The following ATP10B variants were observed in gnomAD, a reference collection of about 807,000 sequenced individuals.
ATP10B encodes phospholipid-transporting ATPase VB.
ATP10B carries 122 observed loss-of-function variants against 141.2 expected under a neutral mutation model. The observed-to-expected ratio is 0.86, with a 90% CI of 0.75 to 1.00. The LOEUF (loss-of-function observed/expected upper bound fraction) is 1.00, where lower values mean the gene tolerates loss of function less well. Ranked by LOEUF, ATP10B falls within the 50% of genes least tolerant of loss-of-function variation. The pLI is 0.00. For synonymous variants in ATP10B, 685 were observed against 692.0 expected (o/e 0.99, Z 0.16); for missense variants, 1,876 against 1,825.3 (o/e 1.03, Z -0.51).
chr5:160,775,932 C>T (rs1271973910), intron 2 of ATP10B, among the ~76,000 whole-genome samples: 1 of 152,170 alleles, frequency 6.6e-6, no homozygotes. Flanking sequence ...ACACCTGCCT[C>T]TGCCTAAGCT....
chr5:160,870,131 C>T, the ATP10B span, among the ~76,000 whole-genome samples: 3 of 152,046 alleles, frequency 2.0e-5, no homozygotes, highest in African/African-American at 4.8e-5. Flanking sequence ...AAGAAAAATA[C>T]CTAATTCCAG....
intron 1 of ATP10B, among the ~76,000 whole-genome samples, chr5:160,848,215 T>C (rs1380251318): frequency 6.6e-6 from 1 of 152,176 alleles, no homozygotes; most frequent in Non-Finnish European, 1.5e-5. Flanking sequence ...AGAAATGCTA[T>C]TGAGAAGGCC....
At chr5:160,597,465 C>T (rs760328413) in intron 22 of ATP10B, among the ~76,000 whole-genome samples, 39 of 152,152 alleles carry the variant, frequency 2.6e-4, no homozygotes, top group Non-Finnish European at 4.7e-4. Context: ...TAGGCATTAC[C>T]ATTCAGGACA....
intron 1 of ATP10B, among the ~76,000 whole-genome samples, chr5:160,806,601 AATG>A (rs1477240754): frequency 2.0e-5 from 3 of 152,234 alleles, no homozygotes; most frequent in Non-Finnish European, 4.4e-5. Flanking sequence ...AGGGGGGGAT[AATG>A]ATGATAGGAA....
At chr5:160,785,352 C>T (rs141299669) in intron 2 of ATP10B, among the ~76,000 whole-genome samples, 3 of 152,214 alleles carry the variant, frequency 2.0e-5, no homozygotes, top group African/African-American at 7.2e-5. Context: ...AAACCATTTA[C>T]TTGGCATCTG....
At chr5:160,772,958 TAAGAC>T (rs1770016177) in intron 2 of ATP10B, among the ~76,000 whole-genome samples, 2 of 152,230 alleles carry the variant, frequency 1.3e-5, no homozygotes, top group South Asian at 2.1e-4. Flanking sequence ...GGACCACACT[TAAGAC>T]AACCAACCAC....
intron 1 of ATP10B, among the ~76,000 whole-genome samples, chr5:160,826,354 A>T (rs1169625914): frequency 6.6e-6 from 1 of 152,136 alleles, no homozygotes; most frequent in Non-Finnish European, 1.5e-5. Context: ...TGGCAGAGGA[A>T]CGTAAATCGT....
chr5:160,847,257 G>A (rs978188349), intron 1 of ATP10B, among the ~76,000 whole-genome samples: 15 of 152,132 alleles, frequency 9.9e-5, no homozygotes, highest in Non-Finnish European at 1.8e-4. Flanking sequence ...TCTAGCTTCT[G>A]GGATTCTATA....
the ATP10B span, among the ~76,000 whole-genome samples, chr5:160,894,902 A>T: frequency 6.6e-6 from 1 of 152,258 alleles, no homozygotes; most frequent in Non-Finnish European, 1.5e-5. Flanking sequence ...CCAATATTCA[A>T]CATTCTTAAG....
intron 7 of ATP10B, among the ~76,000 whole-genome samples, chr5:160,664,889 A>T (rs879912411): frequency 6.6e-6 from 1 of 152,238 alleles, no homozygotes; most frequent in Non-Finnish European, 1.5e-5. Flanking sequence ...AATGAATGCT[A>T]TATACTCCTT....
chr5:160,865,882 C>T, the ATP10B span, among the ~76,000 whole-genome samples: 2 of 152,102 alleles, frequency 1.3e-5, no homozygotes, highest in East Asian at 3.9e-4. Context: ...TACTCCTGCA[C>T]AAATGGCCAT....
At chr5:160,603,756 T>C in intron 20 of ATP10B, 1 of 530,310 alleles carries the variant, frequency 1.9e-6, no homozygotes, top group Non-Finnish European at 3.4e-6. Flanking sequence ...CAAGTTAGTT[T>C]GCTTCTTCCA....
At chr5:160,880,105 ATAAAAGAAATTATG>A in the ATP10B span, among the ~76,000 whole-genome samples, 7 of 149,282 alleles carry the variant, frequency 4.7e-5, no homozygotes, top group Non-Finnish European at 1.0e-4. Flanking sequence ...AGAAACTATT[ATAAAAGAAATTATG>A]TAAAAGAAAT....
chr5:160,858,377 C>T, the ATP10B span, among the ~76,000 whole-genome samples: 14 of 151,976 alleles, frequency 9.2e-5, no homozygotes, highest in Admixed American at 2.6e-4. Context: ...GTCAGTTTCT[C>T]GTAGAAAGCA....
chr5:160,736,310 C>T (rs751136383), intron 2 of ATP10B, among the ~76,000 whole-genome samples: 6 of 152,068 alleles, frequency 3.9e-5, no homozygotes, highest in Non-Finnish European at 7.4e-5. Context: ...TTCAAAGGAT[C>T]GTTAGTGGCT....
At chr5:160,851,622 G>T (rs922195710) in intron 1 of ATP10B, among the ~76,000 whole-genome samples, 1 of 152,126 alleles carries the variant, frequency 6.6e-6, no homozygotes, top group African/African-American at 2.4e-5. Flanking sequence ...GCTTCCTCAG[G>T]CTGCACTGGA....
chr5:160,647,261 G>A (rs1313143958), intron 8 of ATP10B, among the ~76,000 whole-genome samples: 2 of 152,240 alleles, frequency 1.3e-5, no homozygotes, highest in Non-Finnish European at 2.9e-5. Flanking sequence ...CATCAGACCA[G>A]TGGGTCTGCT....
chr5:160,707,863 G>C (rs1765109052), intron 3 of ATP10B, among the ~76,000 whole-genome samples: 1 of 152,194 alleles, frequency 6.6e-6, no homozygotes. Flanking sequence ...TGGAGACTCA[G>C]AGAAGCAGCA....
intron 17 of ATP10B, chr5:160,614,045 C>CG (rs1757868388): frequency 6.6e-6 from 1 of 151,820 alleles, no homozygotes; most frequent in African/African-American, 2.4e-5. Context: ...GCCAATTTCT[C>CG]GGTGGAAAGT....
Sources: allele counts gnomAD v4.1 joint callset (sites outside exome capture counted in the v4.1 genomes callset), GRCh38; gene constraint gnomAD v4.1.1; transcripts MANE v1.5; gene names NCBI Gene and HGNC (gene_info 2026-07-23, HGNC 2026-07-21).